USH2A: variants seen among roughly 807,000 people sequenced by gnomAD.
The protein encoded by USH2A is usherin.
Under a neutral mutation model 538.9 loss-of-function variants are expected in USH2A, and 443 were observed. The observed-to-expected ratio is 0.82, with a 90% CI of 0.76 to 0.89. The LOEUF (loss-of-function observed/expected upper bound fraction) is 0.89, where lower values mean the gene tolerates loss of function less well. Ranked by LOEUF, USH2A falls within the 40% of genes least tolerant of loss-of-function variation. USH2A has a pLI of 0.00. For synonymous variants in USH2A, 2,413 were observed against 2,273.5 expected (o/e 1.06, Z -1.75); for missense variants, 6,633 against 6,324.8 (o/e 1.05, Z -1.65).
chr1:215,936,144 T>C (rs1442006908), intron 37 of USH2A, among the ~76,000 whole-genome samples: 3 of 151,960 alleles, frequency 2.0e-5, no homozygotes, highest in Non-Finnish European at 4.4e-5. Context: ...ATTCTGCAGA[T>C]ATAGACAAAT....
intron 44 of USH2A, among the ~76,000 whole-genome samples, chr1:215,850,705 T>C (rs1392549975): frequency 1.3e-5 from 2 of 152,174 alleles, no homozygotes; most frequent in Non-Finnish European, 2.9e-5. Context: ...TTAACAGATA[T>C]TTGTAAAACA....
chr1:216,338,939 A>G (rs1231197267), intron 4 of USH2A, among the ~76,000 whole-genome samples: 1 of 151,672 alleles, frequency 6.6e-6, no homozygotes, highest in African/African-American at 2.4e-5. Flanking sequence ...AATTGGTTCA[A>G]CCACTTTAGA....
intron 33 of USH2A, among the ~76,000 whole-genome samples, chr1:215,999,300 C>T (rs1010180373): frequency 1.3e-5 from 2 of 152,086 alleles, no homozygotes; most frequent in Non-Finnish European, 2.9e-5. Flanking sequence ...GCTAACAATA[C>T]AAAAATGTAT....
intron 50 of USH2A, among the ~76,000 whole-genome samples, chr1:215,794,649 C>CTA (rs1662075816): frequency 6.6e-6 from 1 of 152,174 alleles, no homozygotes; most frequent in Non-Finnish European, 1.5e-5. Context: ...CTTTGTAAAA[C>CTA]TATTATTCCT....
intron 70 of USH2A, among the ~76,000 whole-genome samples, chr1:215,632,487 G>A (rs1034883154): frequency 7.9e-5 from 12 of 152,180 alleles, no homozygotes; most frequent in African/African-American, 2.7e-4. Context: ...CCTCATGGAG[G>A]ATTCTGACAC....
chr1:216,281,349 A>C (rs1228435456), intron 11 of USH2A, among the ~76,000 whole-genome samples: 2 of 152,262 alleles, frequency 1.3e-5, no homozygotes, highest in Non-Finnish European at 2.9e-5. Context: ...CAGATTTGGA[A>C]AGAGAAAAAA....
intron 21 of USH2A, among the ~76,000 whole-genome samples, chr1:216,139,175 T>C (rs146857107): frequency 3.9e-5 from 6 of 152,266 alleles, no homozygotes; most frequent in Non-Finnish European, 8.8e-5. Flanking sequence ...CTGAGGAATA[T>C]CAGCCAAGGT....
At chr1:216,275,895 G>A (rs984810180) in intron 11 of USH2A, among the ~76,000 whole-genome samples, 1 of 152,064 alleles carries the variant, frequency 6.6e-6, no homozygotes, top group Non-Finnish European at 1.5e-5. Context: ...ACAAACAAAT[G>A]GGTATGTTTC....
At chr1:216,060,762 T>C (rs1048288194) in intron 30 of USH2A, among the ~76,000 whole-genome samples, 31 of 152,316 alleles carry the variant, frequency 2.0e-4, no homozygotes, top group African/African-American at 6.0e-4. Flanking sequence ...TTAAACACCT[T>C]ACGGAAAAAA....
rs753270541 is a variant in USH2A at position 216,422,071 on chromosome 1, G to A, written c.266C>T (p.Pro89Leu). ...CTQRFCIQDC[P>L]YRSSHPTYTA... The stretch of plus-strand genomic sequence containing the variant: ...GTAGGTAGGGTGTGAAGATCTGTAT[G>A]GGCAATCCTGAATACAAAACCGCTG... Residue 89 changes from proline to leucine, a missense_variant, in exon 2 of 72, where the codon CCA (proline) becomes CTA (leucine). Physicochemically the swap from Pro to Leu is moderately conservative, Grantham distance 98. Coordinates refer to ENST00000307340, the MANE Select transcript of USH2A (RefSeq NM_206933.4). 6.2e-7 allele frequency: 1 copy of A among 1,613,814 alleles called. No homozygotes were observed. The highest frequency in any genetic ancestry group is 8.5e-7 in the Non-Finnish European group (1 of 1,179,886).
At chr1:215,849,565 T>G (rs1663963666) in intron 44 of USH2A, among the ~76,000 whole-genome samples, 1 of 152,010 alleles carries the variant, frequency 6.6e-6, no homozygotes, top group Non-Finnish European at 1.5e-5. Flanking sequence ...AATAAATAAT[T>G]ATGGATATGA....
At chr1:215,681,782 C>A (rs1658239584) in intron 61 of USH2A, among the ~76,000 whole-genome samples, 1 of 152,132 alleles carries the variant, frequency 6.6e-6, no homozygotes. Flanking sequence ...TAAACATAGG[C>A]AGAGAAAATA....
At chr1:216,323,419 G>T in intron 8 of USH2A, 55 bp downstream of exon 8, 1 of 1,552,798 alleles carries the variant, frequency 6.4e-7, no homozygotes, top group Admixed American at 1.7e-5. Flanking sequence ...TTAATGTGCT[G>T]TTAAGACAGT....
chr1:215,747,366 A>G (rs941077090), intron 58 of USH2A, among the ~76,000 whole-genome samples: 6 of 152,242 alleles, frequency 3.9e-5, no homozygotes, highest in Non-Finnish European at 8.8e-5. Context: ...CTTTACTGGT[A>G]TGGTGAATAC....
chr1:215,719,312 G>A (rs1419811181), intron 61 of USH2A, among the ~76,000 whole-genome samples: 2 of 134,668 alleles, frequency 1.5e-5, no homozygotes, highest in Admixed American at 8.6e-5. Context: ...GGTATGTGAT[G>A]TTGTTGGGGC....
At chr1:216,151,483 G>A (rs1036292207) in intron 21 of USH2A, among the ~76,000 whole-genome samples, 1 of 152,068 alleles carries the variant, frequency 6.6e-6, no homozygotes, top group African/African-American at 2.4e-5. Context: ...CTTGATGGTC[G>A]GTTTAGGACT....
At chr1:216,089,303 A>T (rs1187027310) in intron 22 of USH2A, among the ~76,000 whole-genome samples, 164 bp from the exon 23 acceptor site, 4 of 152,174 alleles carry the variant, frequency 2.6e-5, no homozygotes, top group Non-Finnish European at 5.9e-5. Flanking sequence ...GTCTAGCATC[A>T]TTCTGGCTTT....
intron 19 of USH2A, among the ~76,000 whole-genome samples, 159 bp downstream of exon 19, chr1:216,196,394 A>C (rs1238614642): frequency 6.6e-6 from 1 of 152,192 alleles, no homozygotes; most frequent in African/African-American, 2.4e-5. Context: ...AGTGACATAC[A>C]AAGAGGGAGG....
rs965774688 is a variant in USH2A, at chr1:215,625,622, A to G, written c.*159T>C. On this transcript the variant is annotated 3_prime_UTR_variant, in exon 72 of 72. Transcript: ENST00000307340. ...GAAAAATATCATTTCTTAGACCTCT[A>G]TTAGGAAGGAACACTTTCAAAAACA... 5.6e-6 allele frequency: 4 copies of G among 716,312 alleles called. No homozygotes were observed. In the Admixed American group the frequency reaches 6.3e-5, roughly 11 times the overall value. 44.4% of individuals were successfully genotyped at this position (716,312 alleles called of 1,614,324 possible). A position where few individuals can be genotyped will look rare whatever the true frequency, so the allele number is the denominator to read the frequency against.
Sources: gnomAD v4.1 joint callset for allele counts (sites outside exome capture counted in the v4.1 genomes callset) on GRCh38, gnomAD v4.1.1 for gene constraint, MANE v1.5 for transcripts, NCBI Gene and HGNC (gene_info 2026-07-23, HGNC 2026-07-21) for gene names.